Variants in SMIM13 observed in about 807,000 individuals in gnomAD.
SMIM13 encodes small integral membrane protein 13.
SMIM13 carries 3 observed loss-of-function variants against 5.9 expected under a neutral mutation model. The observed-to-expected ratio is 0.51, with a 90% confidence interval of 0.23 to 1.31. The LOEUF (loss-of-function observed/expected upper bound fraction) is 1.31. Ranked by LOEUF, SMIM13 falls within the 40% of genes most tolerant of loss-of-function variation. SMIM13 has a pLI of 0.18. For synonymous variants in SMIM13, 55 were observed against 46.0 expected (o/e 1.19, Z -0.79); for missense variants, 85 against 109.9 (o/e 0.77, Z 1.01).
At position 11,116,977 on chromosome 6, in the gene SMIM13, T is replaced by C. The variant is rs1240877336; in HGVS notation, c.77-17426T>C. Reference sequence around the variant, plus strand: ...AAGAAAATAGACATTTAATGATAATTGTTTCTTTTTTTTTTTTTTTTTTTT... The same window carrying C: ...AAGAAAATAGACATTTAATGATAATCGTTTCTTTTTTTTTTTTTTTTTTTT... On this transcript the variant is annotated intron_variant, in intron 1 of 1. Transcript: ENST00000416247. Among the ~76,000 whole-genome samples, 7 of 143,576 alleles carry C rather than the reference T, an allele frequency of 4.9e-5. No homozygotes were observed. The East Asian group carries it at 1.4e-3, about 29-fold the overall frequency. The allele number at this position is 143,576 out of a possible 152,430, so 94.2% of individuals were successfully genotyped here.
chr6:11,101,500 G>A (rs972095617), intron 1 of SMIM13, among the ~76,000 whole-genome samples: 4 of 152,132 alleles, frequency 2.6e-5, no homozygotes, highest in African/African-American at 7.2e-5. Context: ...TAGGGCTTCC[G>A]AAGGAGGAGA....
intron 1 of SMIM13, chr6:11,103,770 C>T (rs1031641163): frequency 2.4e-5 from 37 of 1,551,402 alleles, no homozygotes; most frequent in Non-Finnish European, 3.1e-5. Flanking sequence ...GGCCTGAAGG[C>T]GAGAGGAGAC....
At chr6:11,104,197 C>T (rs974086680) in intron 1 of SMIM13, 1 of 1,551,580 alleles carries the variant, frequency 6.4e-7, no homozygotes, top group African/African-American at 1.4e-5. Context: ...GTGATTCCAG[C>T]AATTCCGGTT....
chr6:11,126,340 G>A (rs1379369148), intron 1 of SMIM13, among the ~76,000 whole-genome samples: 1 of 152,168 alleles, frequency 6.6e-6, no homozygotes, highest in Non-Finnish European at 1.5e-5. Context: ...GAGCCATGGC[G>A]CCCAGCCCTG....
chr6:11,113,274 C>T (rs774964865), intron 1 of SMIM13, among the ~76,000 whole-genome samples: 1 of 152,192 alleles, frequency 6.6e-6, no homozygotes, highest in African/African-American at 2.4e-5. Context: ...TTTGTTACTC[C>T]GCATCCATCA....
At chr6:11,122,365 G>A (rs1208719067) in intron 1 of SMIM13, among the ~76,000 whole-genome samples, 1 of 152,194 alleles carries the variant, frequency 6.6e-6, no homozygotes, top group East Asian at 1.9e-4. Context: ...TACTTTTACA[G>A]GTGTTCCTTT....
intron 1 of SMIM13, among the ~76,000 whole-genome samples, chr6:11,130,266 A>AC (rs1554119983): frequency 0.1 from 14,531 of 145,190 alleles, 933 homozygotes; most frequent in Non-Finnish European, 0.15. Context: ...AAAAAAAAAA[A>AC]AAACAACAAC....
rs937617395 is a variant in SMIM13, at chr6:11,134,730, A to C, written c.*128A>C. ...AAGTCGAATTTTAAAAAAGATTTAC[A>C]TGTAAGCCATATAAAAATAAAGGGA... On this transcript the variant is annotated 3_prime_UTR_variant, in exon 2 of 2. Coordinates refer to ENST00000416247, the MANE Select transcript of SMIM13 (RefSeq NM_001135575.2). 1 of 708,628 alleles carries C rather than the reference A, an allele frequency of 1.4e-6. No homozygotes were observed. The highest frequency in any genetic ancestry group is 1.8e-5 in the African/African-American group (1 of 54,668). 43.9% of individuals were successfully genotyped at this position (708,628 alleles called of 1,614,324 possible). A position where few individuals can be genotyped will look rare whatever the true frequency, so the allele number is the denominator to read the frequency against.
At chr6:11,123,627 G>A (rs1466884211) in intron 1 of SMIM13, among the ~76,000 whole-genome samples, 1 of 152,096 alleles carries the variant, frequency 6.6e-6, no homozygotes, top group Non-Finnish European at 1.5e-5. Context: ...TATGTGCAAA[G>A]CATTTTCTTA....
intron 1 of SMIM13, among the ~76,000 whole-genome samples, chr6:11,125,255 A>C (rs1442896695): frequency 2.9e-5 from 4 of 139,342 alleles, no homozygotes; most frequent in African/African-American, 1.1e-4. Flanking sequence ...AGATTGCGCT[A>C]CTGCACTCCA....
chr6:11,125,601 TCAAAA>T (rs1758367537), intron 1 of SMIM13, among the ~76,000 whole-genome samples: 1 of 152,164 alleles, frequency 6.6e-6, no homozygotes, highest in South Asian at 2.1e-4. Context: ...AGACCCCGTC[TCAAAA>T]CAAAAGACAA....
chr6:11,126,502 T>A (rs1244763884), intron 1 of SMIM13, among the ~76,000 whole-genome samples: 1 of 152,210 alleles, frequency 6.6e-6, no homozygotes, highest in East Asian at 1.9e-4. Context: ...ATTATTTCAA[T>A]CTTTTTGTTA....
chr6:11,134,542 A>G lies in SMIM13; in HGVS notation c.216A>G (p.Arg72=). 1.3e-6 allele frequency: 2 copies of G among 1,550,618 alleles called. No homozygotes were observed. The highest frequency in any genetic ancestry group is 1.4e-5 in the African/African-American group (1 of 73,116). ...TEEDTSSSPH[R]IRSARQRRAP... ...AAGACACTTCCTCCTCTCCACACAG[A>G]ATCAGATCCGCTCGCCAAAGGAGGG... Residue 72 remains arginine, a synonymous_variant, in exon 2 of 2, where the codon AGA becomes AGG. Coordinates refer to ENST00000416247, the MANE Select transcript of SMIM13 (RefSeq NM_001135575.2).
At position 11,094,078 on chromosome 6, in the gene SMIM13, T is replaced by G; in HGVS notation, c.-236T>G. On this transcript the variant is annotated 5_prime_UTR_variant, in exon 1 of 2. Coordinates refer to ENST00000416247, the MANE Select transcript of SMIM13 (RefSeq NM_001135575.2). ...AGAGGCGCCCTGAGGCCCGCCTGCC[T>G]CCCGCGCTCTGGCCACCCCGGCGGG... is the stretch of plus-strand genomic sequence containing the variant. 1 of 152,544 alleles carries G rather than the reference T, an allele frequency of 6.6e-6. No individual in the cohort carries two copies. The highest frequency in any genetic ancestry group is 1.9e-4 in the East Asian group (1 of 5,186). The allele number at this position is 152,544 out of a possible 1,614,324, so 9.4% of individuals were successfully genotyped here.
chr6:11,097,767 A>G (rs1346549080), intron 1 of SMIM13, among the ~76,000 whole-genome samples: 1 of 152,188 alleles, frequency 6.6e-6, no homozygotes, highest in African/African-American at 2.4e-5. Flanking sequence ...TCACTCTATA[A>G]CAAGCACCAT....
At chr6:11,123,966 G>C (rs1021924957) in intron 1 of SMIM13, among the ~76,000 whole-genome samples, 28 of 151,966 alleles carry the variant, frequency 1.8e-4, no homozygotes, top group African/African-American at 5.3e-4. Context: ...AGGATAAATG[G>C]GGTATTCACT....
intron 1 of SMIM13, among the ~76,000 whole-genome samples, chr6:11,107,939 T>C (rs1758111367): frequency 6.6e-6 from 1 of 152,250 alleles, no homozygotes; most frequent in African/African-American, 2.4e-5. Flanking sequence ...ATTGCCATTA[T>C]GGCCTTTCCT....
intron 1 of SMIM13, among the ~76,000 whole-genome samples, chr6:11,096,468 A>G (rs1273417230): frequency 6.6e-6 from 1 of 152,236 alleles, no homozygotes; most frequent in Non-Finnish European, 1.5e-5. Flanking sequence ...TAAAAGCTCT[A>G]TGATGAAGTG....
chr6:11,114,177 A>T (rs1758206538), intron 1 of SMIM13, among the ~76,000 whole-genome samples: 1 of 151,698 alleles, frequency 6.6e-6, no homozygotes. Flanking sequence ...ATGGGATTTC[A>T]CCATGTTGGC....
Sources: gnomAD v4.1 joint callset for allele counts (sites outside exome capture counted in the v4.1 genomes callset) on GRCh38, gnomAD v4.1.1 for gene constraint, MANE v1.5 for transcripts, NCBI Gene and HGNC (gene_info 2026-07-23, HGNC 2026-07-21) for gene names.